The following SMAD4 variants were observed in gnomAD, a reference collection of about 807,000 sequenced individuals.
SMAD4 encodes MAD homolog 4.
In SMAD4, 7 loss-of-function variants were observed where a neutral mutation model predicts 63.2. That is an observed-to-expected ratio of 0.11 (90% CI 0.06 to 0.21). The LOEUF is 0.21. Among genes scored for constraint, SMAD4 ranks in the 10% least tolerant of loss-of-function variants. The pLI is 1.00. For missense variants in SMAD4, 312 were observed against 693.8 expected, an observed-to-expected ratio of 0.45 and a Z score of 6.18; for synonymous variants, 215 against 235.4, an observed-to-expected ratio of 0.91 and a Z score of 0.79.
At chr18:51,044,002 A>T (rs761573926) in intron 1 of SMAD4, among the ~76,000 whole-genome samples, 1 of 152,192 alleles carries the variant, frequency 6.6e-6, no homozygotes, top group African/African-American at 2.4e-5. Context: ...GTTTTCTTGG[A>T]TTTCTAATTT....
Position 51,076,721 on chromosome 18 carries a change from C to T in SMAD4, c.1392C>T (p.Ala464=), listed in dbSNP as rs140487104. 2.5e-4 allele frequency: 408 copies of T among 1,613,072 alleles called. No homozygotes were observed. Among genetic ancestry groups the T allele is most frequent in the Admixed American group, 1.4e-3 (82 of 60,002 alleles). The change falls in exon 11 of 12, where the codon GCC becomes GCT. Residue 464 remains alanine (A), a synonymous_variant. Transcript: ENST00000342988. ...AQAAAAAQAA[A]VAGNIPGPGS... ...CTGCAGCAGCTGCCCAGGCAGCAGC[C>T]GTGGCAGGAAACATCCCTGGCCCAG...
At chr18:51,047,598 G>A (rs948320554) in intron 2 of SMAD4, among the ~76,000 whole-genome samples, 2 of 151,540 alleles carry the variant, frequency 1.3e-5, no homozygotes, top group African/African-American at 4.8e-5. Flanking sequence ...CATTTTTGTA[G>A]CCTGTTGTTT....
At chr18:51,047,576 C>T (rs1193808069) in intron 2 of SMAD4, among the ~76,000 whole-genome samples, 1 of 151,600 alleles carries the variant, frequency 6.6e-6, no homozygotes, top group Non-Finnish European at 1.5e-5. Context: ...CTACCTTTAG[C>T]ACTTTGGTAT....
Position 51,048,660 on chromosome 18 carries a change from GAA to G in SMAD4, c.250-25_250-24del, listed in dbSNP as rs766690790. 27 of 1,603,074 alleles carry G rather than the reference GAA, an allele frequency of 1.7e-5. No homozygotes were observed. In the African/African-American group the frequency reaches 3.6e-4, roughly 21 times the overall value. On this transcript the variant is annotated intron_variant, in intron 2 of 11. Transcript: ENST00000342988. ...AAGTGTCTTGCATAATGTGACACATGAATAAATGGTCGTTTATTTTTCTAGGT... is the reference window on the plus strand; with the variant it reads ...AAGTGTCTTGCATAATGTGACACATGTAAATGGTCGTTTATTTTTCTAGGT...
At chr18:51,067,674 A>G (rs941696968) in intron 10 of SMAD4, among the ~76,000 whole-genome samples, 2 of 152,184 alleles carry the variant, frequency 1.3e-5, no homozygotes, top group Non-Finnish European at 2.9e-5. Flanking sequence ...TGGCCTCCCA[A>G]AGTGCTGGGA....
intron 1 of SMAD4, among the ~76,000 whole-genome samples, chr18:51,042,287 G>GCCTGCCTCCCTCCCTCCCTC (rs1568201587): frequency 7.4e-6 from 1 of 135,250 alleles, no homozygotes; most frequent in African/African-American, 3.0e-5. Context: ...TTGCCTGCCT[G>GCCTGCCTCCCTCCCTCCCTC]CCTCCCTCCC....
rs184516281 is a variant in SMAD4 at position 51,083,348 on chromosome 18, T to C, written c.*4881T>C. 1.3e-5 allele frequency: 3 copies of C among 228,672 alleles called. No individual in the cohort carries two copies. Among genetic ancestry groups the C allele is most frequent in the Non-Finnish European group, 1.7e-5 (2 of 115,190 alleles). The allele number at this position is 228,672 out of a possible 1,614,324, so 14.2% of individuals were successfully genotyped here. On this transcript the variant is annotated 3_prime_UTR_variant, in exon 12 of 12. Coordinates refer to ENST00000342988, the MANE Select transcript of SMAD4 (RefSeq NM_005359.6). Reference sequence around the variant, plus strand: ...TGACCTATAGGTGCCTTTATGAGAATTGAGGGTCTGACATCCTGCCCCAAG... The same window carrying C: ...TGACCTATAGGTGCCTTTATGAGAACTGAGGGTCTGACATCCTGCCCCAAG...
At chr18:51,039,629 C>T (rs1909314995) in intron 1 of SMAD4, among the ~76,000 whole-genome samples, 1 of 151,948 alleles carries the variant, frequency 6.6e-6, no homozygotes, top group Non-Finnish European at 1.5e-5. Flanking sequence ...TCCCACCTGG[C>T]CAGATGGGGA....
intron 1 of SMAD4, among the ~76,000 whole-genome samples, chr18:51,039,062 A>G (rs1372878918): frequency 2.0e-5 from 3 of 152,144 alleles, no homozygotes; most frequent in Non-Finnish European, 4.4e-5. Flanking sequence ...AGCTGAGAAC[A>G]TGCCTCTGCA....
At chr18:51,066,607 T>C (rs1183463354) in intron 9 of SMAD4, among the ~76,000 whole-genome samples, 4 of 152,252 alleles carry the variant, frequency 2.6e-5, no homozygotes, top group African/African-American at 9.6e-5. Flanking sequence ...TAGCCACATG[T>C]AACTATTGAG....
intron 4 of SMAD4, chr18:51,050,986 C>T (rs1202189552): frequency 1.9e-5 from 3 of 155,258 alleles, no homozygotes; most frequent in Non-Finnish European, 4.3e-5. Flanking sequence ...GGTGAAAACT[C>T]TGCTTCTTTG....
intron 10 of SMAD4, among the ~76,000 whole-genome samples, chr18:51,069,642 G>A (rs1021937894): frequency 3.3e-5 from 5 of 152,178 alleles, no homozygotes; most frequent in Non-Finnish European, 7.3e-5. Flanking sequence ...TGTCTCCTGA[G>A]GAAATTGAGT....
Position 51,055,008 on chromosome 18 carries a change from CA to C in SMAD4, c.667+16del. On this transcript the variant is annotated intron_variant, in intron 5 of 11. Coordinates refer to ENST00000342988, the MANE Select transcript of SMAD4 (RefSeq NM_005359.6). ...GGCTTCCACAAGTGAGTTCTAGAAT[CA>C]GATGTAGTCAGCAAGTTGAGTTTTC... The C allele has an allele frequency of 6.3e-7, 1 of 1,583,274 alleles. No homozygotes were observed. The highest frequency in any genetic ancestry group is 8.7e-7 in the Non-Finnish European group (1 of 1,152,792).
chr18:51,075,428 T>C (rs1910447259), intron 10 of SMAD4, among the ~76,000 whole-genome samples: 5 of 152,196 alleles, frequency 3.3e-5, no homozygotes, highest in Admixed American at 3.3e-4. Flanking sequence ...TTAAAAAATA[T>C]TCATGTCCTT....
At position 51,059,805 on chromosome 18, in the gene SMAD4, A is replaced by G. The variant is rs1261724386; in HGVS notation, c.905-61A>G. On this transcript the variant is annotated intron_variant, in intron 7 of 11. Transcript: ENST00000342988. ...TTATATTTAAGTAAGATTTACTGAA[A>G]GTTTTAGCATTAGACAACTTTTAGT... The G allele has an allele frequency of 3.2e-6, 4 of 1,245,160 alleles. No homozygotes were observed. The South Asian group carries it at 3.6e-5, about 11-fold the overall frequency. The allele number at this position is 1,245,160 out of a possible 1,614,324, so 77.1% of individuals were successfully genotyped here.
At chr18:51,075,315 ATTGT>A (rs1910444241) in intron 10 of SMAD4, among the ~76,000 whole-genome samples, 1 of 152,192 alleles carries the variant, frequency 6.6e-6, no homozygotes, top group Non-Finnish European at 1.5e-5. Context: ...TTCTAAAACT[ATTGT>A]TTATCATCAA....
chr18:51,074,822 TG>T (rs1910431186), intron 10 of SMAD4, among the ~76,000 whole-genome samples: 1 of 152,150 alleles, frequency 6.6e-6, no homozygotes, highest in South Asian at 2.1e-4. Context: ...GAGGAAGTAG[TG>T]GTTTCACTTC....
intron 10 of SMAD4, among the ~76,000 whole-genome samples, chr18:51,072,859 A>C (rs1460605012): frequency 2.6e-5 from 4 of 152,222 alleles, no homozygotes; most frequent in African/African-American, 7.2e-5. Context: ...AATTTAGTCA[A>C]ATTATGAAAG....
intron 4 of SMAD4, 63 bp from the exon 5 acceptor site, chr18:51,054,718 A>C (rs1278750475): frequency 6.2e-5 from 70 of 1,137,508 alleles, no homozygotes; most frequent in Non-Finnish European, 8.1e-5. Flanking sequence ...CTTGCTAATA[A>C]GATTTTTTTT....
Sources: allele counts gnomAD v4.1 joint callset (sites outside exome capture counted in the v4.1 genomes callset), GRCh38; gene constraint gnomAD v4.1.1; transcripts MANE v1.5; gene names NCBI Gene and HGNC (gene_info 2026-07-23, HGNC 2026-07-21).